The following PDPR variants were observed in gnomAD, a reference collection of about 807,000 sequenced individuals.
The protein encoded by PDPR is pyruvate dehydrogenase phosphatase regulatory subunit, mitochondrial.
In PDPR, 50 loss-of-function variants were observed where a neutral mutation model predicts 102.2. That is an observed-to-expected ratio of 0.49 (90% CI 0.39 to 0.62). The LOEUF is 0.62. PDPR is among the 20% of genes least tolerant of loss of function. The pLI is 0.00. For synonymous variants in PDPR, 259 were observed against 406.0 expected (o/e 0.64, Z 4.35); for missense variants, 625 against 1,098.2 (o/e 0.57, Z 6.09).
In PDPR at chr16:70,161,263, A is replaced by G. The variant is rs1275670141; in HGVS notation, c.*4384A>G. On this transcript the variant is annotated 3_prime_UTR_variant, in exon 19 of 19. Coordinates refer to ENST00000288050, the MANE Select transcript of PDPR (RefSeq NM_017990.5). ...ACCACTGCACTCCAGCCTGGGTAAC[A>G]GAGTGAGACTCTTGTCTCAAAAAAA... The G allele has an allele frequency of 6.8e-6, 1 of 147,554 alleles. No homozygotes were observed. The highest frequency in any genetic ancestry group is 1.5e-5 in the Non-Finnish European group (1 of 67,718). 9.1% of individuals were successfully genotyped at this position (147,554 alleles called of 1,614,324 possible). A position where few individuals can be genotyped will look rare whatever the true frequency, so the allele number is the denominator to read the frequency against.
At position 70,133,421 on chromosome 16, in the gene PDPR, C is replaced by CTTTTTTTTTTTTTTTTTTT. The variant is rs1162339028; in HGVS notation, c.997+1134_997+1135insTTTTTTTTTTTTTTTTTTT. 1.4e-4 allele frequency among the ~76,000 whole-genome samples: 15 copies of CTTTTTTTTTTTTTTTTTTT among 103,744 alleles called. 1 individual carries two copies. The highest frequency in any genetic ancestry group is 1.6e-4 in the African/African-American group (4 of 24,740). 68.1% of individuals were successfully genotyped at this position (103,744 alleles called of 152,430 possible). On this transcript the variant is annotated intron_variant, in intron 9 of 18. Transcript: ENST00000288050. ...ACAGGCATGAGCCACTGCGTCTGGC[C>CTTTTTTTTTTTTTTTTTTT]TTTTTTTTTTTTTGAGATAAGAGTC... is the stretch of plus-strand genomic sequence containing the variant.
At chr16:70,163,150 G>A (rs535059157), downstream of PDPR, among the ~76,000 whole-genome samples, 8 of 152,366 alleles carry the variant, frequency 5.3e-5, no homozygotes, top group South Asian at 1.4e-3. Context: ...GTTTCGCCAG[G>A]TTGGCCAGGC....
intron 3 of PDPR, among the ~76,000 whole-genome samples, chr16:70,121,719 G>A (rs1305379849): frequency 6.7e-6 from 1 of 149,966 alleles, no homozygotes; most frequent in African/African-American, 2.4e-5. Flanking sequence ...ACAGGCCTTT[G>A]ACTCTGATAA....
At chr16:70,136,068 CAAA>C (rs35739737) in intron 9 of PDPR, 123 bp from the exon 10 acceptor site, 200,400 of 654,130 alleles carry the variant, frequency 0.31, 6,185 homozygotes, top group African/African-American at 0.48. Flanking sequence ...GACTCCATCT[CAAA>C]AAAAAAAAAA....
intron 11 of PDPR, among the ~76,000 whole-genome samples, chr16:70,139,727 T>TGG (rs902594900): frequency 1.3e-5 from 2 of 152,226 alleles, no homozygotes; most frequent in African/African-American, 4.8e-5. Context: ...CCAAACCACG[T>TGG]GGGTTCAAGT....
intron 4 of PDPR, among the ~76,000 whole-genome samples, chr16:70,127,933 A>G (rs1458031496): frequency 6.6e-6 from 1 of 150,858 alleles, no homozygotes; most frequent in East Asian, 1.9e-4. Flanking sequence ...CAGCGAGAAC[A>G]GGAGCAGCCT....
In PDPR at chr16:70,120,563, C is replaced by G. The variant is rs368906299; in HGVS notation, c.71C>G (p.Ser24Cys). ...RASPGWQNWS[S>C]ARNSTSAAEA... ...AGCCCAGGATGGCAGAACTGGTCCTCTGCAAGAAACAGCACGTCAGCTGCC... is the reference window on the plus strand; with the variant it reads ...AGCCCAGGATGGCAGAACTGGTCCTGTGCAAGAAACAGCACGTCAGCTGCC... The change falls in exon 3 of 19, where the codon TCT becomes TGT. Residue 24 changes from serine (S) to cysteine (C), a missense_variant. By Grantham distance (112) the Ser-to-Cys change is moderately radical. Around this residue, in one of 11 missense-constraint regions of PDPR, gnomAD observed 84 missense variants for 87.7 expected, o/e 0.96. Transcript: ENST00000288050. 2.5e-6 allele frequency: 4 copies of G among 1,613,930 alleles called. No homozygotes were observed. The highest frequency in any genetic ancestry group is 3.4e-6 in the Non-Finnish European group (4 of 1,179,902).
At chr16:70,146,864 CAAA>C (rs1202287694) in intron 16 of PDPR, among the ~76,000 whole-genome samples, 1 of 57,448 alleles carries the variant, frequency 1.7e-5, no homozygotes, top group Admixed American at 1.7e-4. Flanking sequence ...AAGACTGTCT[CAAA>C]AAAAAAAAAA....
At chr16:70,123,437 CTTG>C (rs1250936633) in intron 3 of PDPR, among the ~76,000 whole-genome samples, 2 of 152,176 alleles carry the variant, frequency 1.3e-5, no homozygotes, top group Non-Finnish European at 2.9e-5. Context: ...GTGATTTCAC[CTTG>C]TTGTCCAGGC....
rs1483750527 is a variant in PDPR at position 70,161,731 on chromosome 16, TGTCCATGAAACATGAAGA to T, written c.*4855_*4872del. 6.5e-6 allele frequency: 1 copy of T among 152,686 alleles called. No homozygotes were observed. Among genetic ancestry groups the T allele is most frequent in the Non-Finnish European group, 1.5e-5 (1 of 68,296 alleles). 9.5% of individuals were successfully genotyped at this position (152,686 alleles called of 1,614,324 possible). A position where few individuals can be genotyped will look rare whatever the true frequency, so the allele number is the denominator to read the frequency against. On this transcript the variant is annotated 3_prime_UTR_variant, in exon 19 of 19. Transcript: ENST00000288050. The stretch of plus-strand genomic sequence containing the variant: ...TTTTTGTATGCCTTTGCCTTCCCTT[TGTCCATGAAACATGAAGA>T]GTTGTTTATGGTTCTTGACTTCTCT...
At position 70,161,669 on chromosome 16, in the gene PDPR, T is replaced by G. The variant is rs1205383371; in HGVS notation, c.*4790T>G. 1 of 152,596 alleles carries G rather than the reference T, an allele frequency of 6.6e-6. No homozygotes were observed. 9.5% of individuals were successfully genotyped at this position (152,596 alleles called of 1,614,324 possible). ...AGTACAGGGCTCGCCTTTGTAGCCC[T>G]GATCACTACCAGTACACTTTTCAAG... On this transcript the variant is annotated 3_prime_UTR_variant, in exon 19 of 19. Transcript: ENST00000288050.
intron 11 of PDPR, among the ~76,000 whole-genome samples, chr16:70,139,879 T>C (rs1440119507): frequency 2.0e-5 from 3 of 152,266 alleles, no homozygotes; most frequent in Non-Finnish European, 4.4e-5. Flanking sequence ...AACTGTTAGT[T>C]TGGTAGTTGA....
intron 9 of PDPR, among the ~76,000 whole-genome samples, chr16:70,133,143 C>T (rs1244297538): frequency 1.9e-5 from 2 of 106,564 alleles, no homozygotes; most frequent in Admixed American, 3.0e-4. Flanking sequence ...GAGATGAAGT[C>T]TCGCTCTGTT....
rs987783678 is a variant in PDPR at position 70,158,771 on chromosome 16, A to C, written c.*1892A>C. On this transcript the variant is annotated 3_prime_UTR_variant, in exon 19 of 19. Transcript: ENST00000288050. Reference sequence around the variant, plus strand: ...GGAGAGGAGGAACAGGCCCTTGGGCAGATGCAGGCATTACCAGCAGGGAGC... The same window carrying C: ...GGAGAGGAGGAACAGGCCCTTGGGCCGATGCAGGCATTACCAGCAGGGAGC... 1 of 153,046 alleles carries C rather than the reference A, an allele frequency of 6.5e-6. No individual in the cohort carries two copies. 9.5% of individuals were successfully genotyped at this position (153,046 alleles called of 1,614,324 possible).
chr16:70,152,268 C>T (rs1038308269), intron 17 of PDPR, among the ~76,000 whole-genome samples: 9 of 152,270 alleles, frequency 5.9e-5, no homozygotes, highest in Non-Finnish European at 1.2e-4. Context: ...TCTGTAATCC[C>T]AGCAATTTGG....
intron 18 of PDPR, 92 bp from the exon 19 acceptor site, chr16:70,156,383 C>A: frequency 5.5e-6 from 8 of 1,462,376 alleles, no homozygotes; most frequent in South Asian, 1.3e-5. Context: ...TGCCCCATTG[C>A]AGTGACACCA....
At chr16:70,114,501 G>A (rs1323742176) in intron 1 of PDPR, 61 bp downstream of exon 1, 1 of 152,192 alleles carries the variant, frequency 6.6e-6, no homozygotes, top group African/African-American at 2.4e-5. Flanking sequence ...AAGCGCCCCG[G>A]GACCCCTGGG....
chr16:70,127,114 T>C (rs1964056358), intron 3 of PDPR, 146 bp from the exon 4 acceptor site: 6 of 1,488,086 alleles, frequency 4.0e-6, no homozygotes, highest in Non-Finnish European at 5.3e-6. Context: ...CTTGGCCTCC[T>C]AAAGTGCTGG....
At chr16:70,128,709 T>A in intron 4 of PDPR, 75 bp from the exon 5 acceptor site, 2 of 1,610,012 alleles carry the variant, frequency 1.2e-6, no homozygotes. Context: ...TTCTAACCTA[T>A]AATCTAGTGG....
Sources: gnomAD v4.1 joint callset for allele counts (sites outside exome capture counted in the v4.1 genomes callset) on GRCh38, gnomAD v4.1.1 for gene constraint, gnomAD v4.1.1 regional missense constraint, MANE v1.5 for transcripts, NCBI Gene and HGNC (gene_info 2026-07-23, HGNC 2026-07-21) for gene names.